Variants in PARG observed in about 807,000 individuals in gnomAD.
The protein encoded by PARG is poly(ADP-ribose) glycohydrolase.
PARG carries 35 observed loss-of-function variants against 113.0 expected under a neutral mutation model. The ratio of observed to expected loss-of-function variants is 0.31; its 90% CI spans 0.24 to 0.41. The LOEUF is 0.41. PARG is among the 10% of genes least tolerant of loss of function. The pLI, the probability that PARG is intolerant of heterozygous loss-of-function variation, is 1.00. For missense variants in PARG, 797 were observed against 1,169.4 expected, an observed-to-expected ratio of 0.68 and a Z score of 4.64; for synonymous variants, 330 against 409.9, an observed-to-expected ratio of 0.81 and a Z score of 2.36.
intron 1 of PARG, among the ~76,000 whole-genome samples, chr10:49,938,305 ATTTC>A (rs1327411504): frequency 6.6e-6 from 1 of 152,018 alleles, no homozygotes; most frequent in Non-Finnish European, 1.5e-5. Context: ...ATCTCCCGAC[ATTTC>A]CACCCAGTCT....
At chr10:49,886,867 ACT>A (rs1168817911) in intron 7 of PARG, among the ~76,000 whole-genome samples, 3 of 152,144 alleles carry the variant, frequency 2.0e-5, no homozygotes, top group African/African-American at 7.2e-5. Context: ...TGCCTCTTTA[ACT>A]CTGTTAAAAA....
chr10:49,878,365 C>A (rs1452581129), intron 9 of PARG, among the ~76,000 whole-genome samples: 17 of 145,922 alleles, frequency 1.2e-4, no homozygotes, highest in Admixed American at 7.6e-4. Flanking sequence ...CACCTGTAAT[C>A]CCAGCACTTT....
chr10:49,933,506 T>C lies in PARG; in HGVS notation c.942A>G (p.Gln314=). 6.2e-7 allele frequency: 1 copy of C among 1,610,660 alleles called. No individual in the cohort carries two copies. The highest frequency in any genetic ancestry group is 1.1e-5 in the South Asian group (1 of 90,900). The stretch of plus-strand genomic sequence containing the variant: ...TTGTCTCCTCATCTGCTTCTGAGTC[T>C]TGACAACTATTTTTAGAATTATCCA... ...MDVDNSKNSC[Q]DSEADEETSP... is the part of the protein sequence containing the mutation. Residue 314 remains glutamine (Q), a synonymous_variant, in exon 3 of 18, where the codon CAA becomes CAG. Transcript: ENST00000616448.
intron 8 of PARG, among the ~76,000 whole-genome samples, chr10:49,880,677 A>C (rs1404909988): frequency 3.3e-5 from 5 of 152,160 alleles, no homozygotes; most frequent in African/African-American, 9.7e-5. Context: ...CTGAAACACT[A>C]GTCCACACCA....
At chr10:49,825,366 T>G (rs1844302065) in intron 16 of PARG, among the ~76,000 whole-genome samples, 1 of 152,200 alleles carries the variant, frequency 6.6e-6, no homozygotes, top group East Asian at 1.9e-4. Context: ...ATCCAGAGCC[T>G]GCAGCCAATA....
intron 13 of PARG, among the ~76,000 whole-genome samples, chr10:49,853,034 A>AAT (rs1554834466): frequency 7.5e-6 from 1 of 133,814 alleles, no homozygotes; most frequent in Non-Finnish European, 1.6e-5. Flanking sequence ...TAAAAAAAAA[A>AAT]TTTTTTTTTT....
chr10:49,917,473 A>C (rs1344282195), intron 6 of PARG, among the ~76,000 whole-genome samples: 1 of 129,836 alleles, frequency 7.7e-6, no homozygotes, highest in Non-Finnish European at 1.7e-5. Flanking sequence ...TGGGTGACAG[A>C]GCGAGACTCC....
chr10:49,931,292 A>C (rs1589009775), intron 4 of PARG, among the ~76,000 whole-genome samples: 1 of 152,026 alleles, frequency 6.6e-6, no homozygotes, highest in African/African-American at 2.4e-5. Context: ...CCCAAAAGAA[A>C]CCCCCTTCTT....
At chr10:49,940,943 G>C (rs1839016591) in intron 1 of PARG, among the ~76,000 whole-genome samples, 1 of 152,160 alleles carries the variant, frequency 6.6e-6, no homozygotes, top group Non-Finnish European at 1.5e-5. Context: ...CATAAATTCA[G>C]TTAGGTAAAA....
intron 15 of PARG, among the ~76,000 whole-genome samples, chr10:49,839,434 C>G (rs1420659878): frequency 3.9e-5 from 6 of 152,280 alleles, no homozygotes; most frequent in African/African-American, 1.4e-4. Context: ...CCGCCAACTC[C>G]TAATGAAATA....
At chr10:49,834,291 G>A (rs1381911308) in intron 15 of PARG, among the ~76,000 whole-genome samples, 1 of 152,174 alleles carries the variant, frequency 6.6e-6, no homozygotes, top group African/African-American at 2.4e-5. Flanking sequence ...TTTGTTTCAT[G>A]TCAGAATTTT....
intron 7 of PARG, among the ~76,000 whole-genome samples, chr10:49,891,206 C>T (rs1190415439): frequency 3.9e-5 from 6 of 152,222 alleles, no homozygotes; most frequent in Admixed American, 2.0e-4. Context: ...CCCAGTTACT[C>T]GGGAGGCGGA....
Position 49,933,586 on chromosome 10 carries a change from G to A in PARG, c.862C>T (p.Leu288=). The change falls in exon 3 of 18, where the codon CTA becomes TTA. Residue 288 remains leucine (L), a synonymous_variant. Coordinates refer to ENST00000616448, the MANE Select transcript of PARG (RefSeq NM_003631.5). ...TTCTCAAATGGAGGAGAATTTCCTA[G>A]GCAACTTTCTTGTCTAGTCAATTTG... The part of the protein sequence containing the change: ...DNKLTRQESC[L]GNSPPFEKES... 1 of 1,611,410 alleles carries A rather than the reference G, an allele frequency of 6.2e-7. No homozygotes were observed. Among genetic ancestry groups the A allele is most frequent in the Non-Finnish European group, 8.5e-7 (1 of 1,177,730 alleles).
chr10:49,918,282 C>G (rs1588988143), intron 6 of PARG, among the ~76,000 whole-genome samples: 1 of 152,112 alleles, frequency 6.6e-6, no homozygotes, highest in African/African-American at 2.4e-5. Flanking sequence ...GTTATTATTC[C>G]TCAAAGTTGG....
At chr10:49,902,095 C>T (rs1848371825) in intron 7 of PARG, among the ~76,000 whole-genome samples, 1 of 152,184 alleles carries the variant, frequency 6.6e-6, no homozygotes, top group African/African-American at 2.4e-5. Context: ...CAGATGTAGT[C>T]TTTCTTGATA....
intron 16 of PARG, among the ~76,000 whole-genome samples, chr10:49,828,110 A>AAC (rs1844461483): frequency 2.0e-5 from 3 of 148,048 alleles, no homozygotes; most frequent in Non-Finnish European, 3.0e-5. Context: ...AAAAAAAAAA[A>AAC]AAAAAAAAAA....
At chr10:49,881,558 G>A (rs1847216446) in intron 8 of PARG, among the ~76,000 whole-genome samples, 1 of 152,074 alleles carries the variant, frequency 6.6e-6, no homozygotes, top group Admixed American at 6.6e-5. Context: ...ATCTCAAAAT[G>A]GCATGCCTAG....
At chr10:49,921,940 T>C (rs1258665731) in intron 6 of PARG, among the ~76,000 whole-genome samples, 2 of 152,172 alleles carry the variant, frequency 1.3e-5, no homozygotes, top group Non-Finnish European at 2.9e-5. Flanking sequence ...TAACATATAC[T>C]TTAATCATTG....
intron 1 of PARG, among the ~76,000 whole-genome samples, chr10:49,936,550 T>C (rs1347207491): frequency 6.6e-6 from 1 of 152,198 alleles, no homozygotes; most frequent in Non-Finnish European, 1.5e-5. Context: ...ACATTTTATA[T>C]AATCATTAGA....
Sources: allele counts gnomAD v4.1 joint callset (sites outside exome capture counted in the v4.1 genomes callset), GRCh38; gene constraint gnomAD v4.1.1; transcripts MANE v1.5; gene names NCBI Gene and HGNC (gene_info 2026-07-23, HGNC 2026-07-21).